The following COL9A2 variants were observed in gnomAD, a reference collection of about 807,000 sequenced individuals.
COL9A2 encodes collagen type IX alpha 2 chain.
COL9A2 carries 66 observed loss-of-function variants against 111.6 expected under a neutral mutation model. The ratio of observed to expected loss-of-function variants is 0.59; its 90% CI spans 0.48 to 0.73. The LOEUF is 0.73. Among genes scored for constraint, COL9A2 ranks in the 30% least tolerant of loss-of-function variants. The pLI, the probability that COL9A2 is intolerant of heterozygous loss-of-function variation, is 0.00. For synonymous variants in COL9A2, 353 were observed against 364.1 expected, an observed-to-expected ratio of 0.97 and a Z score of 0.35; for missense variants, 881 against 954.1, an observed-to-expected ratio of 0.92 and a Z score of 1.01.
In COL9A2 at chr1:40,314,178, T is replaced by A. The variant is rs1296203926; in HGVS notation, c.249+27A>T. ...GAGGTCAATTGGCAGAGCCCTACCC[T>A]GCCCCACCCGACACTCAGCTACTCA... On this transcript the variant is annotated intron_variant, in intron 4 of 31. Transcript: ENST00000372748. The surrounding 1 kb of genome is among the most constrained non-coding windows in gnomAD (Gnocchi z 4.1). The A allele has an allele frequency of 6.2e-7, 1 of 1,612,994 alleles. No individual in the cohort carries two copies. Among genetic ancestry groups the A allele is most frequent in the Non-Finnish European group, 8.5e-7 (1 of 1,179,100 alleles).
rs1335366309 is a variant in COL9A2 at position 40,302,837 on chromosome 1, G to A, written c.1604-28C>T. 3 of 1,532,922 alleles carry A rather than the reference G, an allele frequency of 2.0e-6. No homozygotes were observed. Among genetic ancestry groups the A allele is most frequent in the South Asian group, 2.4e-5 (2 of 83,686 alleles). 95.0% of individuals were successfully genotyped at this position (1,532,922 alleles called of 1,614,324 possible). On this transcript the variant is annotated intron_variant, in intron 29 of 31. Coordinates refer to ENST00000372748, the MANE Select transcript of COL9A2 (RefSeq NM_001852.4). This position sits in a 1 kb window ranked among gnomAD's most constrained non-coding sequence, Gnocchi z 4.5. The stretch of plus-strand genomic sequence containing the variant: ...GGAGGGAGGGAGGGAGGGAGGGAGA[G>A]GGAAGTCTATGAGATGGGTGTCAGC...
Position 40,311,935 on chromosome 1 carries a change from C to T in COL9A2, c.417+124G>A. ...GTGGGCTCATAGGAGGGGTTTCTGC[C>T]CCAGACCTGGAGGAGTTTCCCAGTG... On this transcript the variant is annotated intron_variant, in intron 8 of 31. Transcript: ENST00000372748. This position sits in a 1 kb window ranked among gnomAD's most constrained non-coding sequence, Gnocchi z 5.1. 1 of 1,171,882 alleles carries T rather than the reference C, an allele frequency of 8.5e-7. No individual in the cohort carries two copies. Among genetic ancestry groups the T allele is most frequent in the Non-Finnish European group, 1.2e-6 (1 of 801,966 alleles). 72.6% of individuals were successfully genotyped at this position (1,171,882 alleles called of 1,614,324 possible). A position where few individuals can be genotyped will look rare whatever the true frequency, so the allele number is the denominator to read the frequency against.
rs145710603 is a variant in COL9A2, at chr1:40,306,066, C to T, written c.1053+77G>A. ...TTCTGGCTGAGCCTCTGAGACTTGG[C>T]TGAGGCCTGGGCCTTGCTGTCTTCC... On this transcript the variant is annotated intron_variant, in intron 20 of 31. Coordinates refer to ENST00000372748, the MANE Select transcript of COL9A2 (RefSeq NM_001852.4). 4.6e-4 allele frequency: 710 copies of T among 1,558,798 alleles called. 5 individuals carry two copies. In the African/African-American group the frequency reaches 8.2e-3, roughly 18 times the overall value.
chr1:40,306,324 TGAACTTAACTGTACATTCCCACAGTGGTG>T, intron 19 of COL9A2, 137 bp from the exon 20 acceptor site: 7 of 878,506 alleles, frequency 8.0e-6, no homozygotes, highest in Non-Finnish European at 9.3e-6. Context: ...CACGGCATGA[TGAACTTAACTGTACATTCCCACAGTGGTG>T]GCAGAGGAGT....
rs758532501 is a variant in COL9A2, at chr1:40,317,248, C to A, written c.-51G>T. The A allele has an allele frequency of 1.4e-4, 164 of 1,171,294 alleles. No homozygotes were observed. Among genetic ancestry groups the A allele is most frequent in the Non-Finnish European group, 1.9e-4 (162 of 864,600 alleles). The allele number at this position is 1,171,294 out of a possible 1,614,324, so 72.6% of individuals were successfully genotyped here. A position where few individuals can be genotyped will look rare whatever the true frequency, so the allele number is the denominator to read the frequency against. ...GGGTGCGTGTCCGCGCACGCACCGA[C>A]GGCAGAGTCTCCCGGCGCTCCTCCA... On this transcript the variant is annotated 5_prime_UTR_variant, in exon 1 of 32. Transcript: ENST00000372748. The surrounding 1 kb of genome is among the most constrained non-coding windows in gnomAD (Gnocchi z 4.3).
At chr1:40,306,309 C>T in intron 19 of COL9A2, 122 bp from the exon 20 acceptor site, 1 of 1,025,192 alleles carries the variant, frequency 9.8e-7, no homozygotes, top group Non-Finnish European at 1.5e-6. Flanking sequence ...AACAGAAGGT[C>T]CAGCCACGGC....
Position 40,304,798 on chromosome 1 carries a change from T to TGTC in COL9A2, c.1154_1156dup (p.Gly385_Gln386insArg). The stretch of plus-strand genomic sequence containing the variant: ...GCCATTGTGCCAGGCACTTACCTTC[T>TGTC]GTCCCATGATGCCCTGGGGACCAAT... On this transcript the variant is annotated inframe_insertion, in exon 22 of 32. Transcript: ENST00000372748. 3 of 1,550,818 alleles carry TGTC rather than the reference T, an allele frequency of 1.9e-6. No individual in the cohort carries two copies. The highest frequency in any genetic ancestry group is 2.6e-6 in the Non-Finnish European group (3 of 1,146,780).
rs763825965 is a variant in COL9A2, at chr1:40,312,575, G to A, written c.338C>T (p.Pro113Leu). 2.7e-5 allele frequency: 44 copies of A among 1,613,966 alleles called. No homozygotes were observed. The highest frequency in any genetic ancestry group is 5.3e-5 in the African/African-American group (4 of 74,906). ...GAAGCCCTTGCAGGTTGTACTCACC[G>A]GAAGGCCAGGAGGACCAGGAAGCCC... The part of the protein sequence containing the change: ...QPGLPGPPGL[P>L]GPGFAGPPGP... The change falls in exon 6 of 32, where the codon CCG (proline) becomes CTG (leucine). Residue 113 changes from proline (P) to leucine (L), a missense_variant and splice_region_variant. Physicochemically the swap from Pro to Leu is moderately conservative, Grantham distance 98. Transcript: ENST00000372748. The surrounding 1 kb of genome is among the most constrained non-coding windows in gnomAD (Gnocchi z 6.0).
In COL9A2 at chr1:40,314,147, G is replaced by A; in HGVS notation, c.249+58C>T. 2.6e-6 allele frequency: 4 copies of A among 1,567,954 alleles called. No individual in the cohort carries two copies. In the South Asian group the frequency reaches 3.3e-5, roughly 13 times the overall value. Reference sequence around the variant, plus strand: ...AGATCAGTGAAGATGCCAGAGCCAGGCCCTGGAGGTCAATTGGCAGAGCCC... The same window carrying A: ...AGATCAGTGAAGATGCCAGAGCCAGACCCTGGAGGTCAATTGGCAGAGCCC... On this transcript the variant is annotated intron_variant, in intron 4 of 31. Transcript: ENST00000372748. This position sits in a 1 kb window ranked among gnomAD's most constrained non-coding sequence, Gnocchi z 4.1.
Position 40,303,822 on chromosome 1 carries a change from C to G in COL9A2, c.1386G>C (p.Pro462=). ...EKGEKGESGE[P]GPKGQQGVRG... is the part of the protein sequence containing the mutation. ...GAGGACTCACCTGTCCCTTGGGCCCCGGCTCGCCGGACTCGCCCTGCAGGC... is the reference window on the plus strand; with the variant it reads ...GAGGACTCACCTGTCCCTTGGGCCCGGGCTCGCCGGACTCGCCCTGCAGGC... The change falls in exon 27 of 32, where the codon CCG becomes CCC. Residue 462 remains proline, a synonymous_variant. Coordinates refer to ENST00000372748, the MANE Select transcript of COL9A2 (RefSeq NM_001852.4). The surrounding 1 kb of genome is among the most constrained non-coding windows in gnomAD (Gnocchi z 4.6). 2 of 1,561,502 alleles carry G rather than the reference C, an allele frequency of 1.3e-6. No homozygotes were observed. Among genetic ancestry groups the G allele is most frequent in the South Asian group, 1.2e-5 (1 of 84,900 alleles).
chr1:40,308,947 A>G (rs1173595271), intron 16 of COL9A2, among the ~76,000 whole-genome samples: 1 of 152,194 alleles, frequency 6.6e-6, no homozygotes, highest in Admixed American at 6.5e-5. Context: ...AAAAAATTGC[A>G]TTAAAAAACT....
Position 40,310,086 on chromosome 1 carries a change from G to A in COL9A2, c.792+25C>T. 1 of 1,613,986 alleles carries A rather than the reference G, an allele frequency of 6.2e-7. No individual in the cohort carries two copies. Among genetic ancestry groups the A allele is most frequent in the Non-Finnish European group, 8.5e-7 (1 of 1,179,876 alleles). On this transcript the variant is annotated intron_variant, in intron 15 of 31. Coordinates refer to ENST00000372748, the MANE Select transcript of COL9A2 (RefSeq NM_001852.4). This position sits in a 1 kb window ranked among gnomAD's most constrained non-coding sequence, Gnocchi z 4.9. ...TAGCTGTAGGAGCTCCAGCCTCAGG[G>A]GTAGGGGAGCAAAAAGAGGCTTACC...
chr1:40,311,597 G>C lies in COL9A2; in HGVS notation c.472-50C>G, dbSNP rs753754008. 16 of 1,613,868 alleles carry C rather than the reference G, an allele frequency of 9.9e-6. No homozygotes were observed. The Middle Eastern group carries it at 4.9e-4, about 50-fold the overall frequency. ...CTTGGCCTGACCCTTTCCCGCCGCAGGCTTGCTCAAAGACCCTTCTCCTTC... is the reference window on the plus strand; with the variant it reads ...CTTGGCCTGACCCTTTCCCGCCGCACGCTTGCTCAAAGACCCTTCTCCTTC... On this transcript the variant is annotated intron_variant, in intron 9 of 31. Transcript: ENST00000372748. The surrounding 1 kb of genome is among the most constrained non-coding windows in gnomAD (Gnocchi z 5.1).
chr1:40,302,733 A>G lies in COL9A2; in HGVS notation c.1680T>C (p.Pro560=), dbSNP rs1291635261. 19 of 1,511,666 alleles carry G rather than the reference A, an allele frequency of 1.3e-5. No individual in the cohort carries two copies. Among genetic ancestry groups the G allele is most frequent in the Non-Finnish European group, 1.7e-5 (19 of 1,121,784 alleles). The allele number at this position is 1,511,666 out of a possible 1,614,324, so 93.6% of individuals were successfully genotyped here. The change falls in exon 30 of 32, where the codon CCT becomes CCC. Residue 560 remains proline, a synonymous_variant. Transcript: ENST00000372748. The surrounding 1 kb of genome is among the most constrained non-coding windows in gnomAD (Gnocchi z 4.5). ...GAVGMMGPPG[P]PGPPGYPGKQ... is the part of the protein sequence containing the mutation. Reference sequence around the variant, plus strand: ...TGCCTGGGTACCCAGGGGGCCCAGGAGGTCCTGGAGGACCCATCATGCCCA... The same window carrying G: ...TGCCTGGGTACCCAGGGGGCCCAGGGGGTCCTGGAGGACCCATCATGCCCA...
In COL9A2 at chr1:40,304,813, T is replaced by G. The variant is rs1037784917; in HGVS notation, c.1142A>C (p.Gln381Pro). The change falls in exon 22 of 32, where the codon CAG (glutamine) becomes CCG (proline). Residue 381 changes from glutamine (Q) to proline (P), a missense_variant. By Grantham distance (76) the Gln-to-Pro change is moderately conservative. Transcript: ENST00000372748. ...EPGPRGEIGP[Q>P]GIMGQKGDQG... ...ACTTACCTTCTGTCCCATGATGCCC[T>G]GGGGACCAATTTCTCCTCGAGGCCC... 3.9e-6 allele frequency: 6 copies of G among 1,550,848 alleles called. No homozygotes were observed. The highest frequency in any genetic ancestry group is 1.4e-5 in the African/African-American group (1 of 73,064).
Position 40,310,315 on chromosome 1 carries a change from AC to A in COL9A2, c.686del (p.Gly229ValfsTer89). 1 of 1,613,932 alleles carries A rather than the reference AC, an allele frequency of 6.2e-7. No homozygotes were observed. Among genetic ancestry groups the A allele is most frequent in the South Asian group, 1.1e-5 (1 of 91,076 alleles). On this transcript the variant is annotated frameshift_variant and splice_region_variant, in exon 14 of 32. Coordinates refer to ENST00000372748, the MANE Select transcript of COL9A2 (RefSeq NM_001852.4). LOFTEE classifies it high-confidence loss of function. The surrounding 1 kb of genome is among the most constrained non-coding windows in gnomAD (Gnocchi z 4.9). ...SGEQGIPGPPGPQGIRGYPGM... is the reference protein window; with the variant it reads ...SGEQGIPGPPXPQGIRGYPGM... ...CTGGGTAGCCCCTGATGCCCTGGGG[AC>A]CCTGTTGAGAAAGAAAAATGACAGC... is the stretch of plus-strand genomic sequence containing the variant.
Position 40,315,219 on chromosome 1 carries a change from C to T in COL9A2, c.150+371G>A, listed in dbSNP as rs951484475. On this transcript the variant is annotated intron_variant, in intron 2 of 31. Coordinates refer to ENST00000372748, the MANE Select transcript of COL9A2 (RefSeq NM_001852.4). The stretch of plus-strand genomic sequence containing the variant: ...TGGCCCAAGCTGGTCGGTGGTCTGG[C>T]CAAGGCTCCCAAGCGAACCTGAAGA... The T allele has an allele frequency of 3.8e-6, 4 of 1,059,048 alleles. No homozygotes were observed. In the East Asian group the frequency reaches 3.3e-4, roughly 87 times the overall value. The allele number at this position is 1,059,048 out of a possible 1,614,324, so 65.6% of individuals were successfully genotyped here.
intron 16 of COL9A2, among the ~76,000 whole-genome samples, chr1:40,308,787 ACAT>A (rs1644070539): frequency 6.6e-6 from 1 of 152,176 alleles, no homozygotes; most frequent in African/African-American, 2.4e-5. Flanking sequence ...TTACTTGAAA[ACAT>A]CAGAGCAAAG....
At chr1:40,313,053 G>A (rs546616783) in intron 4 of COL9A2, among the ~76,000 whole-genome samples, 142 of 152,312 alleles carry the variant, frequency 9.3e-4, no homozygotes, top group African/African-American at 3.1e-3. Flanking sequence ...TCATGCCTCC[G>A]GGTTCAGGAG....
Sources: allele counts gnomAD v4.1 joint callset (sites outside exome capture counted in the v4.1 genomes callset), GRCh38; gene constraint gnomAD v4.1.1; non-coding constraint Gnocchi (gnomAD v3.1); transcripts MANE v1.5; gene names NCBI Gene and HGNC (gene_info 2026-07-23, HGNC 2026-07-21).